Variants in PRKG1 observed in about 807,000 individuals in gnomAD.
PRKG1 encodes cGMP-dependent protein kinase 1.
PRKG1 carries 35 observed loss-of-function variants against 88.1 expected under a neutral mutation model. The ratio of observed to expected loss-of-function variants is 0.40; its 90% confidence interval spans 0.30 to 0.53. The LOEUF (loss-of-function observed/expected upper bound fraction) is 0.53, where lower values mean the gene tolerates loss of function less well. Ranked by LOEUF, PRKG1 falls within the 20% of genes least tolerant of loss-of-function variation. PRKG1 has a pLI of 0.59. For synonymous variants in PRKG1, 303 were observed against 292.5 expected, an observed-to-expected ratio of 1.04 and a Z score of -0.37; for missense variants, 540 against 839.8, an observed-to-expected ratio of 0.64 and a Z score of 4.41.
chr10:51,173,158 A>G (rs1837089901), intron 2 of PRKG1, among the ~76,000 whole-genome samples: 1 of 152,022 alleles, frequency 6.6e-6, no homozygotes, highest in African/African-American at 2.4e-5. Context: ...AATTATAATA[A>G]ACAATACAGC....
intron 2 of PRKG1, among the ~76,000 whole-genome samples, chr10:51,400,025 G>A (rs293235): frequency 0.016 from 2,391 of 152,152 alleles, 56 homozygotes; most frequent in African/African-American, 0.055. Context: ...ATTGTGTTAC[G>A]TAATACGTTC....
At chr10:51,376,070 T>C (rs1302196947) in intron 2 of PRKG1, among the ~76,000 whole-genome samples, 2 of 152,238 alleles carry the variant, frequency 1.3e-5, no homozygotes, top group African/African-American at 2.4e-5. Context: ...ACAGAGACAG[T>C]AAAAAGTTAA....
At chr10:52,199,437 T>G (rs1674839732) in intron 9 of PRKG1, among the ~76,000 whole-genome samples, 1 of 152,286 alleles carries the variant, frequency 6.6e-6, no homozygotes, top group African/African-American at 2.4e-5. Context: ...TGCCCTGGGT[T>G]AGAAAATTCC....
chr10:51,042,244 C>T (rs923518165), intron 1 of PRKG1, among the ~76,000 whole-genome samples: 2 of 152,132 alleles, frequency 1.3e-5, no homozygotes, highest in Admixed American at 6.5e-5. Flanking sequence ...ACCTCTCTCT[C>T]GTAAGAAAAT....
At chr10:52,142,032 A>G (rs1837594438) in intron 8 of PRKG1, among the ~76,000 whole-genome samples, 1 of 152,168 alleles carries the variant, frequency 6.6e-6, no homozygotes, top group Admixed American at 6.6e-5. Context: ...ACACTGTTTA[A>G]TAAGAATTAA....
At chr10:51,145,406 G>T (rs1047864476) in intron 1 of PRKG1, among the ~76,000 whole-genome samples, 2 of 152,112 alleles carry the variant, frequency 1.3e-5, no homozygotes, top group Non-Finnish European at 2.9e-5. Flanking sequence ...TTCAGAAATA[G>T]AGTTAGTTCT....
chr10:52,080,650 A>G (rs1191228265), intron 7 of PRKG1, among the ~76,000 whole-genome samples: 1 of 152,174 alleles, frequency 6.6e-6, no homozygotes, highest in Non-Finnish European at 1.5e-5. Context: ...GTTGATTACT[A>G]TCTATTTTTT....
At chr10:51,364,885 C>A (rs1286682099) in intron 2 of PRKG1, among the ~76,000 whole-genome samples, 1 of 151,782 alleles carries the variant, frequency 6.6e-6, no homozygotes, top group African/African-American at 2.4e-5. Flanking sequence ...CTCATGTGAA[C>A]CAAATGCACA....
chr10:52,023,507 G>A (rs1458663428), intron 5 of PRKG1, among the ~76,000 whole-genome samples: 1 of 152,206 alleles, frequency 6.6e-6, no homozygotes, highest in East Asian at 1.9e-4. Context: ...TTCCACAATG[G>A]TTGAATTAGT....
intron 5 of PRKG1, among the ~76,000 whole-genome samples, chr10:51,977,718 C>G (rs2133102215): frequency 6.6e-6 from 1 of 151,970 alleles, no homozygotes; most frequent in East Asian, 1.9e-4. Context: ...CTCTAGTGAT[C>G]AGTGATACTG....
chr10:51,998,305 T>C (rs1178349700), intron 5 of PRKG1, among the ~76,000 whole-genome samples: 2 of 152,190 alleles, frequency 1.3e-5, no homozygotes, highest in Non-Finnish European at 1.5e-5. Context: ...TGACATTGTG[T>C]CATTTTGGGT....
chr10:50,999,188 A>G (rs4515917), intron 1 of PRKG1, among the ~76,000 whole-genome samples: 136,177 of 152,226 alleles, frequency 0.89, 61,059 homozygotes, highest in African/African-American at 0.95. Context: ...TTTTTCTAGT[A>G]CATATTGATT....
intron 2 of PRKG1, among the ~76,000 whole-genome samples, chr10:51,363,377 A>G (rs555582404): frequency 3.1e-4 from 47 of 152,024 alleles, no homozygotes; most frequent in African/African-American, 1.0e-3. Context: ...CTACCTATGT[A>G]TATACTTTGA....
At chr10:51,627,574 T>C (rs900268241) in intron 3 of PRKG1, among the ~76,000 whole-genome samples, 4 of 152,310 alleles carry the variant, frequency 2.6e-5, no homozygotes, top group Admixed American at 1.3e-4. Context: ...GGGGTCTTTG[T>C]TCATTTTTTT....
intron 3 of PRKG1, among the ~76,000 whole-genome samples, chr10:51,701,364 G>A (rs938627714): frequency 1.3e-5 from 2 of 152,136 alleles, no homozygotes; most frequent in African/African-American, 4.8e-5. Context: ...TGAGTATGAT[G>A]GTTTAGCTGC....
chr10:51,260,349 A>G (rs1030752955), intron 2 of PRKG1, among the ~76,000 whole-genome samples: 1 of 152,106 alleles, frequency 6.6e-6, no homozygotes, highest in African/African-American at 2.4e-5. Flanking sequence ...ACATTTTTAT[A>G]TACATTTTTT....
At chr10:52,013,273 G>C (rs12219323) in intron 5 of PRKG1, among the ~76,000 whole-genome samples, 210 of 152,082 alleles carry the variant, frequency 1.4e-3, no homozygotes, top group Non-Finnish European at 2.4e-3. Flanking sequence ...AAAAAAATTT[G>C]CCAGGCGTGG....
At chr10:51,789,184 C>A (rs1712774065) in intron 3 of PRKG1, among the ~76,000 whole-genome samples, 1 of 152,190 alleles carries the variant, frequency 6.6e-6, no homozygotes, top group African/African-American at 2.4e-5. Context: ...AGATGTAATA[C>A]TCATTTTCCT....
chr10:51,771,166 A>G (rs1589273701), intron 3 of PRKG1, among the ~76,000 whole-genome samples: 2 of 152,196 alleles, frequency 1.3e-5, no homozygotes, highest in Admixed American at 1.3e-4. Context: ...AAAAACCACA[A>G]TTACTGTTGC....
Sources: gnomAD v4.1 joint callset for allele counts (sites outside exome capture counted in the v4.1 genomes callset) on GRCh38, gnomAD v4.1.1 for gene constraint, MANE v1.5 for transcripts, NCBI Gene and HGNC (gene_info 2026-07-23, HGNC 2026-07-21) for gene names.